ACTR3C: variants seen among roughly 807,000 people sequenced by gnomAD.
ACTR3C encodes the protein actin-related protein 3C.
A neutral mutation model predicts 26.3 loss-of-function variants in ACTR3C; 18 were observed. The observed-to-expected ratio is 0.68, with a 90% confidence interval of 0.47 to 1.01. The LOEUF (loss-of-function observed/expected upper bound fraction) is 1.01, where lower values mean the gene tolerates loss of function less well. ACTR3C is among the 50% of genes least tolerant of loss of function. The pLI is 0.00. For synonymous variants in ACTR3C, 55 were observed against 94.5 expected (o/e 0.58, Z 2.42); for missense variants, 184 against 250.7 (o/e 0.73, Z 1.80).
the ACTR3C span, among the ~76,000 whole-genome samples, chr7:150,041,935 C>T: frequency 4.0e-5 from 6 of 149,120 alleles, no homozygotes; most frequent in Non-Finnish European, 7.4e-5. Context: ...GTCTGGCTCT[C>T]AGTAATCCCA....
At chr7:149,958,450 A>G in the ACTR3C span, among the ~76,000 whole-genome samples, 10 of 152,358 alleles carry the variant, frequency 6.6e-5, no homozygotes, top group East Asian at 1.7e-3. Flanking sequence ...ATCCAAGTCT[A>G]TTACAGAGTT....
rs113418485 is a variant in ACTR3C, at chr7:150,309,934, C to T, written c.-52+13535G>A. On this transcript the variant is annotated intron_variant, in intron 1 of 7. Coordinates refer to ENST00000683684, the MANE Select transcript of ACTR3C (RefSeq NM_001164458.2). Reference sequence around the variant, plus strand: ...GTCCCCTTTTTAATTGATATGGAGGCTACCCACTCCACATTACCTTCTTTT... The same window carrying T: ...GTCCCCTTTTTAATTGATATGGAGGTTACCCACTCCACATTACCTTCTTTT... Among the ~76,000 whole-genome samples the T allele has an allele frequency of 9.1e-3, 1,380 of 152,250 alleles. 29 individuals carry two copies. Among genetic ancestry groups the T allele is most frequent in the African/African-American group, 0.031 (1,284 of 41,538 alleles).
At chr7:150,098,154 C>T in the ACTR3C span, among the ~76,000 whole-genome samples, 2 of 151,546 alleles carry the variant, frequency 1.3e-5, no homozygotes, top group Non-Finnish European at 2.9e-5. Flanking sequence ...TTAGAGACAC[C>T]TACTATAGCC....
chr7:149,973,089 G>A, the ACTR3C span, among the ~76,000 whole-genome samples: 2,559 of 151,818 alleles, frequency 0.017, 56 homozygotes, highest in African/African-American at 0.058. Flanking sequence ...CCCCACGAGC[G>A]GGCAGCACAA....
the ACTR3C span, among the ~76,000 whole-genome samples, chr7:150,035,158 A>AAG: frequency 8.2e-6 from 1 of 122,694 alleles, no homozygotes; most frequent in Admixed American, 8.2e-5. Flanking sequence ...TGGGGGTCCT[A>AAG]AGCCAGGGGG....
chr7:150,039,947 G>A, the ACTR3C span, among the ~76,000 whole-genome samples: 6 of 133,160 alleles, frequency 4.5e-5, no homozygotes, highest in Non-Finnish European at 8.4e-5. Flanking sequence ...GGGGAGGAAA[G>A]GGGGAGGTTC....
the ACTR3C span, among the ~76,000 whole-genome samples, chr7:150,006,237 C>T: frequency 1.0e-4 from 10 of 99,678 alleles, no homozygotes; most frequent in East Asian, 2.9e-3. Flanking sequence ...TACTCTGTCG[C>T]CCAGGCTGGA....
chr7:150,256,002 A>C (rs2530989), intron 6 of ACTR3C, among the ~76,000 whole-genome samples: 24,567 of 152,178 alleles, frequency 0.16, 4,007 homozygotes, highest in African/African-American at 0.42. Flanking sequence ...GAGAAATACA[A>C]AACAGGGAAA....
intron 1 of ACTR3C, among the ~76,000 whole-genome samples, chr7:150,300,026 G>A (rs544407166): frequency 4.6e-5 from 7 of 152,038 alleles, no homozygotes; most frequent in African/African-American, 1.7e-4. Flanking sequence ...GTGTGCAACA[G>A]TATGCATATT....
chr7:150,057,757 G>A, the ACTR3C span, among the ~76,000 whole-genome samples: 5 of 152,218 alleles, frequency 3.3e-5, no homozygotes, highest in Non-Finnish European at 7.3e-5. Context: ...TGATGGCATT[G>A]CCAAGGCATA....
the ACTR3C span, among the ~76,000 whole-genome samples, chr7:150,182,024 G>A: frequency 6.6e-6 from 1 of 150,522 alleles, no homozygotes; most frequent in Admixed American, 6.6e-5. Flanking sequence ...AGAGCAGAAC[G>A]TGCAGAAACA....
chr7:150,260,593 T>C (rs1196476200), intron 6 of ACTR3C, among the ~76,000 whole-genome samples: 1 of 152,224 alleles, frequency 6.6e-6, no homozygotes, highest in African/African-American at 2.4e-5. Context: ...TTGTAAATGG[T>C]GTTCAATTGT....
chr7:149,960,753 G>T, the ACTR3C span, among the ~76,000 whole-genome samples: 8 of 152,176 alleles, frequency 5.3e-5, no homozygotes, highest in Non-Finnish European at 1.2e-4. Context: ...ATCTATGGAT[G>T]AACTGGCATT....
At chr7:150,048,581 A>T in the ACTR3C span, among the ~76,000 whole-genome samples, 5 of 151,548 alleles carry the variant, frequency 3.3e-5, no homozygotes, top group African/African-American at 7.3e-5. Context: ...GTGCAAGGGG[A>T]TGCGGAGGTC....
chr7:150,283,713 A>G (rs1299897122), intron 6 of ACTR3C, among the ~76,000 whole-genome samples: 3 of 151,988 alleles, frequency 2.0e-5, no homozygotes, highest in Admixed American at 1.3e-4. Flanking sequence ...TTTAAAAGCT[A>G]CATAGTATTC....
At chr7:150,168,104 AGTCT>A in the ACTR3C span, among the ~76,000 whole-genome samples, 2 of 150,728 alleles carry the variant, frequency 1.3e-5, no homozygotes, top group African/African-American at 2.5e-5. Context: ...AGTAGCTATC[AGTCT>A]GTTTCATGCC....
the ACTR3C span, among the ~76,000 whole-genome samples, chr7:150,020,955 A>G: frequency 4.6e-5 from 7 of 151,660 alleles, no homozygotes; most frequent in Non-Finnish European, 1.0e-4. Context: ...CGAGTAGCTG[A>G]GATTACAGGC....
the ACTR3C span, among the ~76,000 whole-genome samples, chr7:150,149,850 A>C: frequency 6.6e-6 from 1 of 152,210 alleles, no homozygotes; most frequent in Non-Finnish European, 1.5e-5. Context: ...ATTTGCAAAA[A>C]GCTTTAGGTT....
the ACTR3C span, among the ~76,000 whole-genome samples, chr7:150,113,178 G>A: frequency 6.6e-6 from 1 of 150,700 alleles, no homozygotes. Context: ...TCTACCTCAC[G>A]CTGCTCCTAC....
Sources: allele counts gnomAD v4.1 joint callset (sites outside exome capture counted in the v4.1 genomes callset), GRCh38; gene constraint gnomAD v4.1.1; transcripts MANE v1.5; gene names NCBI Gene and HGNC (gene_info 2026-07-23, HGNC 2026-07-21).